The following SUSD2 variants were observed in gnomAD, a reference collection of about 807,000 sequenced individuals.
The protein encoded by SUSD2 is sushi domain-containing protein 2.
Under a neutral mutation model 93.8 loss-of-function variants are expected in SUSD2, and 86 were observed. The observed-to-expected ratio is 0.92, with a 90% confidence interval of 0.77 to 1.10. The LOEUF (loss-of-function observed/expected upper bound fraction) is 1.10, where lower values mean the gene tolerates loss of function less well. Among genes scored for constraint, SUSD2 ranks in the 50% least tolerant of loss-of-function variants. SUSD2 has a pLI of 0.00. For missense variants in SUSD2, 1,060 were observed against 1,137.0 expected (o/e 0.93, Z 0.97); for synonymous variants, 483 against 485.0 (o/e 1.00, Z 0.05).
At position 24,185,768 on chromosome 22, in the gene SUSD2, G is replaced by A. The variant is rs1569340337; in HGVS notation, c.1178G>A (p.Gly393Asp). 6.2e-7 allele frequency: 1 copy of A among 1,609,806 alleles called. No homozygotes were observed. The highest frequency in any genetic ancestry group is 8.5e-7 in the Non-Finnish European group (1 of 1,178,794). The part of the protein sequence containing the change: ...GSTPDRGHDW[G>D]APPFRTPPRV... Reference sequence around the variant, plus strand: ...ACTCCCGACCGCGGCCATGACTGGGGCGCACCCCCGTTCCGCACGCCACCC... The same window carrying A: ...ACTCCCGACCGCGGCCATGACTGGGACGCACCCCCGTTCCGCACGCCACCC... Residue 393 changes from glycine (G) to aspartate (D), a missense_variant, in exon 8 of 15, where the codon GGC becomes GAC. Around this residue, in one of 2 missense-constraint regions of SUSD2, gnomAD observed 973 missense variants for 1,005.3 expected, o/e 0.97. Coordinates refer to ENST00000358321, the MANE Select transcript of SUSD2 (RefSeq NM_019601.4).
intron 3 of SUSD2, chr22:24,183,862 C>T (rs2047342669): frequency 1.5e-6 from 1 of 658,610 alleles, no homozygotes; most frequent in Admixed American, 2.9e-5. Context: ...TGCAGGGGTC[C>T]CTAGAGAGGT....
rs370908368 is a variant in SUSD2 at position 24,185,177 on chromosome 22, C to T, written c.866C>T (p.Ala289Val). The T allele has an allele frequency of 2.1e-4, 341 of 1,612,302 alleles. No individual in the cohort carries two copies. Among genetic ancestry groups the T allele is most frequent in the Middle Eastern group, 1.7e-3 (10 of 5,952 alleles). The change falls in exon 6 of 15, where the codon GCA becomes GTA. Residue 289 changes from alanine (A) to valine (V), a missense_variant. Physicochemically the swap from Ala to Val is moderately conservative, Grantham distance 64. This residue lies in a region of SUSD2 where 973 missense variants were observed against 1,005.3 expected (regional missense o/e 0.97). Transcript: ENST00000358321. The stretch of plus-strand genomic sequence containing the variant: ...TTCCGAGAGGACCCTGTGGCCTGGG[C>T]ACGAACTCAGTGCCAGGCCTGGGAG... ...DDFREDPVAW[A>V]RTQCQAWEEL...
rs901777497 is a variant in SUSD2, at chr22:24,184,411, G to A, written c.607+108G>A. On this transcript the variant is annotated intron_variant, in intron 4 of 14. Coordinates refer to ENST00000358321, the MANE Select transcript of SUSD2 (RefSeq NM_019601.4). ...AGGAAGGGAGTTTCCAGGTGGGGTT[G>A]AGGAGGGAAGGGAATTCCAGGCAGA... 3.3e-6 allele frequency: 4 copies of A among 1,208,204 alleles called. No individual in the cohort carries two copies. In the East Asian group the frequency reaches 7.6e-5, roughly 23 times the overall value. The allele number at this position is 1,208,204 out of a possible 1,614,324, so 74.8% of individuals were successfully genotyped here.
intron 10 of SUSD2, chr22:24,186,643 G>T (rs898246035): frequency 1.0e-5 from 6 of 583,692 alleles, no homozygotes; most frequent in Non-Finnish European, 1.5e-5. Context: ...GGAGGATCCC[G>T]GGAGCCTTCT....
chr22:24,184,491 G>A (rs1398192508), intron 4 of SUSD2, among the ~76,000 whole-genome samples, 188 bp downstream of exon 4: 1 of 152,056 alleles, frequency 6.6e-6, no homozygotes, highest in Non-Finnish European at 1.5e-5. Context: ...GCAGGTGGGA[G>A]GGGGCAGCTC....
At chr22:24,181,650 A>G in intron 1 of SUSD2, 55 bp downstream of exon 1, 1 of 1,403,924 alleles carries the variant, frequency 7.1e-7, no homozygotes, top group Non-Finnish European at 9.7e-7. Flanking sequence ...GTCTGCAGCC[A>G]GGCCTGGGCT....
chr22:24,183,822 C>CCGCG, intron 3 of SUSD2, 176 bp downstream of exon 3: 1 of 771,216 alleles, frequency 1.3e-6, no homozygotes. Flanking sequence ...GGCATCCAGA[C>CCGCG]CGCGGTCCCA....
At position 24,188,290 on chromosome 22, in the gene SUSD2, C is replaced by T. The variant is rs765861953; in HGVS notation, c.2407C>T (p.Leu803Phe). ...GGLAVVAAVA[L>F]VYVLLRRRKG... ...CCTCGCGGTGGTGGCGGCGGTTGCG[C>T]TCGTCTATGTGCTGCTGCGCCGCAG... The change falls in exon 14 of 15, where the codon CTC (leucine) becomes TTC (phenylalanine). Residue 803 changes from leucine to phenylalanine, a missense_variant. Coordinates refer to ENST00000358321, the MANE Select transcript of SUSD2 (RefSeq NM_019601.4). This position sits in a 1 kb window ranked among gnomAD's most constrained non-coding sequence, Gnocchi z 4.7. The T allele has an allele frequency of 4.4e-6, 7 of 1,605,340 alleles. No homozygotes were observed. The highest frequency in any genetic ancestry group is 6.0e-6 in the Non-Finnish European group (7 of 1,176,090).
At chr22:24,186,690 C>T (rs1312263060) in intron 10 of SUSD2, 16 of 514,024 alleles carry the variant, frequency 3.1e-5, no homozygotes, top group Non-Finnish European at 5.6e-5. Flanking sequence ...CACCGCTGGC[C>T]TGCACAGAGC....
chr22:24,182,828 G>A (rs1210640523), intron 1 of SUSD2: 7 of 557,784 alleles, frequency 1.3e-5, no homozygotes, highest in South Asian at 8.9e-5. Flanking sequence ...CTGCATTCTA[G>A]CCCGTCAGTC....
At chr22:24,183,723 G>A (rs1414254676) in intron 3 of SUSD2, 77 bp downstream of exon 3, 2 of 1,463,618 alleles carry the variant, frequency 1.4e-6, no homozygotes, top group East Asian at 2.4e-5. Context: ...CCGAGACTTG[G>A]CCTGTCCGTG....
rs371318686 is a variant in SUSD2, at chr22:24,185,127, A to C, written c.816A>C (p.Ala272=). Residue 272 remains alanine, a synonymous_variant, in exon 6 of 15, where the codon GCA becomes GCC. Coordinates refer to ENST00000358321, the MANE Select transcript of SUSD2 (RefSeq NM_019601.4). ...DVQALWTNDH[A]LAWHLSDDFR... ...AGGCGCTCTGGACCAACGACCACGC[A>C]CTGGCCTGGCACCTGAGCGATGACT... is the stretch of plus-strand genomic sequence containing the variant. 9 of 1,612,876 alleles carry C rather than the reference A, an allele frequency of 5.6e-6. No individual in the cohort carries two copies. Among genetic ancestry groups the C allele is most frequent in the African/African-American group, 4.0e-5 (3 of 75,022 alleles).
At position 24,186,130 on chromosome 22, in the gene SUSD2, C is replaced by G. The variant is rs116820424; in HGVS notation, c.1454C>G (p.Ala485Gly). 6.2e-7 allele frequency: 1 copy of G among 1,611,184 alleles called. No individual in the cohort carries two copies. The highest frequency in any genetic ancestry group is 1.1e-5 in the South Asian group (1 of 90,908). ...EAALTDLRVQ[A>G]RAQPGTMSNG... ...GCGCTGACCGACCTGAGGGTGCAGG[C>G]GCGGGCCCAGCCCGGGACGATGTCC... The change falls in exon 9 of 15, where the codon GCG becomes GGG. Residue 485 changes from alanine (A) to glycine (G), a missense_variant. Ala to Gly is a moderately conservative substitution (Grantham distance 60). Transcript: ENST00000358321.
In SUSD2 at chr22:24,187,752, T is replaced by C; in HGVS notation, c.2073T>C (p.Phe691=). 2 of 1,613,816 alleles carry C rather than the reference T, an allele frequency of 1.2e-6. No individual in the cohort carries two copies. The highest frequency in any genetic ancestry group is 2.2e-5 in the South Asian group (2 of 91,084). ...KLCGDDHFCN[F]DVAATGSLST... ...GTGGGGACGATCATTTCTGCAACTTTGATGTGGCAGCCACTGGGAGCCTGA... is the reference window on the plus strand; with the variant it reads ...GTGGGGACGATCATTTCTGCAACTTCGATGTGGCAGCCACTGGGAGCCTGA... The change falls in exon 12 of 15, where the codon TTT becomes TTC. Residue 691 remains phenylalanine, a synonymous_variant. Coordinates refer to ENST00000358321, the MANE Select transcript of SUSD2 (RefSeq NM_019601.4).
Position 24,185,679 on chromosome 22 carries a change from TCAGCAGTGCTG to T in SUSD2, c.1091_1101del (p.Gln364LeufsTer12). On this transcript the variant is annotated frameshift_variant, in exon 8 of 15. Transcript: ENST00000358321. LOFTEE classifies it high-confidence loss of function. ...CCTGCAGCCTCCGGTACGGCTCAGG[TCAGCAGTGCTG>T]CTACACAGCGGACGGGACGCAGCTC... is the stretch of plus-strand genomic sequence containing the variant. 6.2e-7 allele frequency: 1 copy of T among 1,610,278 alleles called. No homozygotes were observed. The highest frequency in any genetic ancestry group is 8.5e-7 in the Non-Finnish European group (1 of 1,178,818).
chr22:24,183,386 G>T, intron 2 of SUSD2, 109 bp from the exon 3 acceptor site: 1 of 1,530,584 alleles, frequency 6.5e-7, no homozygotes, highest in Non-Finnish European at 8.9e-7. Context: ...AGGCAGGAGG[G>T]CACAGGGACA....
chr22:24,182,674 G>T (rs931221120), intron 1 of SUSD2: 36 of 214,114 alleles, frequency 1.7e-4, no homozygotes, highest in Admixed American at 1.3e-3. Flanking sequence ...GGGGAGCCAA[G>T]AGAGGTCGAG....
At chr22:24,181,623 C>A (rs1569338876) in intron 1 of SUSD2, 28 bp downstream of exon 1, 4 of 1,540,638 alleles carry the variant, frequency 2.6e-6, no homozygotes, top group Admixed American at 1.9e-5. Flanking sequence ...TCTGTGTCCC[C>A]GTCTGTCTGT....
intron 1 of SUSD2, among the ~76,000 whole-genome samples, chr22:24,182,064 C>A (rs1351202021): frequency 6.6e-6 from 1 of 152,216 alleles, no homozygotes; most frequent in African/African-American, 2.4e-5. Flanking sequence ...CCTCCCCCGA[C>A]CCCTGTGCGC....
Sources: gnomAD v4.1 joint callset for allele counts (sites outside exome capture counted in the v4.1 genomes callset) on GRCh38, gnomAD v4.1.1 for gene constraint, gnomAD v4.1.1 regional missense constraint, Gnocchi (gnomAD v3.1) non-coding constraint, MANE v1.5 for transcripts, NCBI Gene and HGNC (gene_info 2026-07-23, HGNC 2026-07-21) for gene names.